The following MID2 variants were observed in gnomAD, a reference collection of about 807,000 sequenced individuals.
MID2 encodes the protein probable E3 ubiquitin-protein ligase MID2.
MID2 carries 13 observed loss-of-function variants against 46.1 expected under a neutral mutation model. The ratio of observed to expected loss-of-function variants is 0.28; its 90% CI spans 0.18 to 0.45. MID2 has a LOEUF of 0.45. Among genes scored for constraint, MID2 ranks in the 20% least tolerant of loss-of-function variants. The pLI is 1.00. For missense variants in MID2, 431 were observed against 575.4 expected (o/e 0.75, Z 2.57); for synonymous variants, 199 against 212.3 (o/e 0.94, Z 0.55).
At chrX:107,872,366 A>G (rs1932090132) in intron 3 of MID2, among the ~76,000 whole-genome samples, 1 of 112,986 alleles carries the variant, frequency 8.9e-6, no homozygotes, top group South Asian at 3.7e-4. Context: ...TATACTAATC[A>G]TTCTGAAATC....
chrX:107,854,601 G>A lies in MID2; in HGVS notation c.721-8G>A, dbSNP rs753742299. 4 of 1,195,909 alleles carry A rather than the reference G, an allele frequency of 3.3e-6. No individual in the cohort carries two copies. The highest frequency in any genetic ancestry group is 5.9e-5 in the East Asian group (2 of 33,703). ...TCCCCTCTGGATTCATACCCTCTGC[G>A]ATGACAGCAAACTCTGGAGATGAAC... On this transcript the variant is annotated splice_polypyrimidine_tract_variant and splice_region_variant and intron_variant, in intron 2 of 9. Coordinates refer to ENST00000262843, the MANE Select transcript of MID2 (RefSeq NM_012216.4).
intron 5 of MID2, 65 bp downstream of exon 5, chrX:107,905,691 A>G (rs1255963047): frequency 6.1e-6 from 6 of 978,954 alleles, no homozygotes; most frequent in Non-Finnish European, 2.8e-6. Flanking sequence ...AAAGTCACTT[A>G]AAGTTCAGGC....
chrX:107,826,488 C>CT, intron 1 of MID2, 58 bp downstream of exon 1: 1 of 1,108,570 alleles, frequency 9.0e-7, no homozygotes, highest in Non-Finnish European at 1.2e-6. Context: ...CCTCGCAGGG[C>CT]TAGTCTCCGG....
At chrX:107,845,664 G>T (rs1334913369) in intron 2 of MID2, among the ~76,000 whole-genome samples, 1 of 109,964 alleles carries the variant, frequency 9.1e-6, no homozygotes, top group African/African-American at 3.3e-5. Context: ...TAAAAGGTTG[G>T]AAAATATAGT....
In MID2 at chrX:107,929,246, A is replaced by G. The variant is rs142724460; in HGVS notation, c.*2173A>G. On this transcript the variant is annotated 3_prime_UTR_variant, in exon 10 of 10. Coordinates refer to ENST00000262843, the MANE Select transcript of MID2 (RefSeq NM_012216.4). ...GTCCTTCATTTCTCCTTCATTTCTC[A>G]GTCACCTTTGTCTCTTCCCTAGGGC... is the stretch of plus-strand genomic sequence containing the variant. Among the ~76,000 whole-genome samples, 399 of 111,285 alleles carry G rather than the reference A, an allele frequency of 3.6e-3. No individual in the cohort carries two copies. Among genetic ancestry groups the G allele is most frequent in the African/African-American group, 0.013 (387 of 30,665 alleles).
intron 2 of MID2, among the ~76,000 whole-genome samples, chrX:107,852,738 A>G (rs1372807424): frequency 8.9e-6 from 1 of 111,827 alleles, no homozygotes; most frequent in Non-Finnish European, 1.9e-5. Context: ...ATTCATGGGA[A>G]CAGTGCCAAA....
At chrX:107,868,677 A>G (rs746904383) in intron 3 of MID2, among the ~76,000 whole-genome samples, 29 of 111,674 alleles carry the variant, frequency 2.6e-4, no homozygotes, top group Non-Finnish European at 5.1e-4. Context: ...CGATTTTACT[A>G]TGAGTGAGAA....
chrX:107,926,664 C>T lies in MID2; in HGVS notation c.1806-7C>T, dbSNP rs1191452166. 1.7e-6 allele frequency: 2 copies of T among 1,203,801 alleles called. No homozygotes were observed. The highest frequency in any genetic ancestry group is 2.2e-6 in the Non-Finnish European group (2 of 889,360). On this transcript the variant is annotated splice_region_variant and splice_polypyrimidine_tract_variant and intron_variant, in intron 9 of 9. Transcript: ENST00000262843. Reference sequence around the variant, plus strand: ...TTTATTTCTCTCTCCTTTCCACTGTCTCACAGGTATGCAATTGGCATTGCC... The same window carrying T: ...TTTATTTCTCTCTCCTTTCCACTGTTTCACAGGTATGCAATTGGCATTGCC...
chrX:107,886,304 G>A (rs928357160), intron 3 of MID2, among the ~76,000 whole-genome samples: 3 of 111,967 alleles, frequency 2.7e-5, no homozygotes, highest in African/African-American at 9.8e-5. Flanking sequence ...TTTGTATAAG[G>A]TGTAAGGAAG....
At chrX:107,913,569 G>A (rs976728663) in intron 5 of MID2, among the ~76,000 whole-genome samples, 2 of 112,155 alleles carry the variant, frequency 1.8e-5, no homozygotes, top group African/African-American at 6.5e-5. Context: ...CTCCTATGCT[G>A]TCATTTGTTT....
At chrX:107,892,769 T>G (rs1390581656) in intron 3 of MID2, among the ~76,000 whole-genome samples, 2 of 111,888 alleles carry the variant, frequency 1.8e-5, no homozygotes, top group East Asian at 2.8e-4. Context: ...CTTAAAAATA[T>G]CACATCCTTA....
chrX:107,840,603 GTATAATTGTGT>G, intron 1 of MID2, 56 bp from the exon 2 acceptor site: 1 of 897,926 alleles, frequency 1.1e-6, no homozygotes, highest in Non-Finnish European at 1.6e-6. Context: ...ATTGGTTAGT[GTATAATTGTGT>G]TATATCCATT....
intron 5 of MID2, among the ~76,000 whole-genome samples, chrX:107,911,311 A>G (rs553303514): frequency 9.0e-6 from 1 of 111,697 alleles, no homozygotes; most frequent in Admixed American, 9.4e-5. Context: ...GACTTTGATT[A>G]GTGAACTGTT....
At chrX:107,924,729 G>A (rs12850318) in intron 8 of MID2, among the ~76,000 whole-genome samples, 4,806 of 111,085 alleles carry the variant, frequency 0.043, 116 homozygotes, top group Middle Eastern at 0.19. Context: ...GAGGATGTTA[G>A]TGAAGAGTTT....
chrX:107,855,535 TTTCTAA>T (rs1383959783), intron 3 of MID2, among the ~76,000 whole-genome samples: 5 of 111,962 alleles, frequency 4.5e-5, no homozygotes, highest in African/African-American at 1.6e-4. Context: ...GATAAAAATG[TTTCTAA>T]TTCTATTTAG....
intron 3 of MID2, among the ~76,000 whole-genome samples, chrX:107,881,484 A>G (rs1355265462): frequency 8.9e-6 from 1 of 112,258 alleles, no homozygotes; most frequent in Non-Finnish European, 1.9e-5. Flanking sequence ...CTGCCCAGTG[A>G]TGACCTTTTC....
rs188982245 is a variant in MID2 at position 107,871,591 on chromosome X, T to C, written c.816+16887T>C. 1.7e-3 allele frequency among the ~76,000 whole-genome samples: 187 copies of C among 111,298 alleles called. 1 individual carries two copies. Among genetic ancestry groups the C allele is most frequent in the African/African-American group, 6.0e-3 (183 of 30,642 alleles). On this transcript the variant is annotated intron_variant, in intron 3 of 9. Transcript: ENST00000262843. ...GTTCTTGTTCAACATCCAAGAGGAA[T>C]GAGGTCGCATGAACAAATTGGAGAT...
chrX:107,917,824 C>CTGAT, intron 7 of MID2, 85 bp downstream of exon 7: 1 of 831,699 alleles, frequency 1.2e-6, no homozygotes, highest in South Asian at 2.4e-5. Context: ...AAAGACCTTA[C>CTGAT]TGATGGGTAA....
chrX:107,832,504 T>C (rs1931109730), intron 1 of MID2, among the ~76,000 whole-genome samples: 2 of 111,647 alleles, frequency 1.8e-5, no homozygotes, highest in Non-Finnish European at 3.8e-5. Flanking sequence ...AAACTAATAC[T>C]TTTATTTTAT....
Sources: gnomAD v4.1 joint callset for allele counts (sites outside exome capture counted in the v4.1 genomes callset) on GRCh38, gnomAD v4.1.1 for gene constraint, MANE v1.5 for transcripts, NCBI Gene and HGNC (gene_info 2026-07-23, HGNC 2026-07-21) for gene names.